TENM2: variants seen among roughly 807,000 people sequenced by gnomAD.
TENM2 encodes teneurin transmembrane protein 2, also known as teneurin-2.
Under a neutral mutation model 245.2 loss-of-function variants are expected in TENM2, and 52 were observed. The observed-to-expected ratio is 0.21, with a 90% CI of 0.17 to 0.27. The LOEUF (loss-of-function observed/expected upper bound fraction) is 0.27, where lower values mean the gene tolerates loss of function less well. TENM2 is among the 10% of genes least tolerant of loss of function. The pLI is 1.00. For missense variants in TENM2, 3,046 were observed against 3,666.8 expected, an observed-to-expected ratio of 0.83 and a Z score of 4.37; for synonymous variants, 1,363 against 1,438.9, an observed-to-expected ratio of 0.95 and a Z score of 1.19.
chr5:167,010,117 C>T, the TENM2 span, among the ~76,000 whole-genome samples: 1 of 152,178 alleles, frequency 6.6e-6, no homozygotes, highest in Non-Finnish European at 1.5e-5. Flanking sequence ...CGTGGTGGCT[C>T]ACACCTGTAA....
chr5:167,271,182 C>G, the TENM2 span, among the ~76,000 whole-genome samples: 1 of 152,060 alleles, frequency 6.6e-6, no homozygotes, highest in Non-Finnish European at 1.5e-5. Flanking sequence ...TGCTGCCTCT[C>G]CGAAAGCTCT....
intron 2 of TENM2, among the ~76,000 whole-genome samples, chr5:167,595,848 C>T (rs187787513): frequency 3.5e-4 from 53 of 152,228 alleles, no homozygotes; most frequent in African/African-American, 8.7e-4. Flanking sequence ...CTTTATCCAC[C>T]GTGTTTCCCT....
chr5:168,011,118 C>T (rs1476700203), intron 5 of TENM2, among the ~76,000 whole-genome samples: 6 of 152,188 alleles, frequency 3.9e-5, no homozygotes, highest in Non-Finnish European at 8.8e-5. Context: ...AATAACCAGT[C>T]GCCTCAGCCT....
chr5:167,908,096 C>T (rs957306100), intron 3 of TENM2, among the ~76,000 whole-genome samples: 1 of 152,052 alleles, frequency 6.6e-6, no homozygotes, highest in African/African-American at 2.4e-5. Context: ...TTGACTAGAG[C>T]ATTCCTTCTG....
At chr5:167,517,592 G>A (rs746976734) in intron 2 of TENM2, among the ~76,000 whole-genome samples, 1 of 149,204 alleles carries the variant, frequency 6.7e-6, no homozygotes, top group Non-Finnish European at 1.5e-5. Context: ...ATCAGTGAGC[G>A]GATTAAGGGA....
the TENM2 span, among the ~76,000 whole-genome samples, chr5:167,272,923 A>G: frequency 6.6e-6 from 1 of 152,162 alleles, no homozygotes; most frequent in Non-Finnish European, 1.5e-5. Context: ...TGCACCTAAA[A>G]TTCACCTGTG....
chr5:167,332,044 A>G (rs1057210645), intron 1 of TENM2, among the ~76,000 whole-genome samples: 1 of 152,228 alleles, frequency 6.6e-6, no homozygotes, highest in South Asian at 2.1e-4. Flanking sequence ...TTAAATAATC[A>G]CCAACGGGCA....
the TENM2 span, among the ~76,000 whole-genome samples, chr5:167,109,263 C>T: frequency 6.7e-6 from 1 of 149,548 alleles, no homozygotes; most frequent in Non-Finnish European, 1.5e-5. Flanking sequence ...GGACAGAACC[C>T]CCAAGAACTA....
chr5:167,805,616 T>A (rs1766107434), intron 2 of TENM2, among the ~76,000 whole-genome samples: 1 of 152,188 alleles, frequency 6.6e-6, no homozygotes, highest in East Asian at 1.9e-4. Flanking sequence ...CAGTAAATAG[T>A]GATCAATAAC....
intron 9 of TENM2, among the ~76,000 whole-genome samples, chr5:168,111,324 C>T (rs372506220): frequency 2.6e-5 from 4 of 152,076 alleles, no homozygotes; most frequent in African/African-American, 9.7e-5. Flanking sequence ...ACTCTGACCC[C>T]ATCTGTCAGA....
At chr5:168,091,461 A>C (rs1462845410) in intron 8 of TENM2, among the ~76,000 whole-genome samples, 1 of 152,204 alleles carries the variant, frequency 6.6e-6, no homozygotes, top group African/African-American at 2.4e-5. Context: ...CATTCACTTG[A>C]GGAAGATTTC....
At chr5:167,670,582 C>T (rs1218580162) in intron 2 of TENM2, among the ~76,000 whole-genome samples, 2 of 152,120 alleles carry the variant, frequency 1.3e-5, no homozygotes, top group East Asian at 1.9e-4. Flanking sequence ...TTGCAATGAA[C>T]GTTACTACTC....
chr5:168,084,233 C>A (rs1162987280), intron 7 of TENM2, among the ~76,000 whole-genome samples: 2 of 152,164 alleles, frequency 1.3e-5, no homozygotes, highest in African/African-American at 4.8e-5. Context: ...GTGCATGTGT[C>A]ATTTTGGTAG....
chr5:167,713,696 G>A (rs1435610552), intron 2 of TENM2, among the ~76,000 whole-genome samples: 1 of 152,070 alleles, frequency 6.6e-6, no homozygotes, highest in Admixed American at 6.5e-5. Context: ...ACACAATTTG[G>A]TGAGCACACA....
chr5:167,314,710 G>A (rs1467807675), intron 1 of TENM2, among the ~76,000 whole-genome samples: 1 of 151,942 alleles, frequency 6.6e-6, no homozygotes, highest in Non-Finnish European at 1.5e-5. Flanking sequence ...ATTTTTAAAT[G>A]TATAAGTAAT....
intron 2 of TENM2, among the ~76,000 whole-genome samples, chr5:167,680,345 G>A (rs1340549522): frequency 1.3e-5 from 2 of 151,644 alleles, no homozygotes; most frequent in Non-Finnish European, 2.9e-5. Flanking sequence ...AGAGTTGGGG[G>A]AAAGGTTTCC....
chr5:167,501,482 T>C (rs182551375), intron 2 of TENM2, among the ~76,000 whole-genome samples: 1 of 152,338 alleles, frequency 6.6e-6, no homozygotes, highest in Non-Finnish European at 1.5e-5. Flanking sequence ...ATGTTGATTG[T>C]AATGTTGGCA....
chr5:167,660,855 T>G (rs1251829438), intron 2 of TENM2, among the ~76,000 whole-genome samples: 1 of 152,212 alleles, frequency 6.6e-6, no homozygotes, highest in African/African-American at 2.4e-5. Context: ...TCATCATTTA[T>G]TCAGCAAGTA....
the TENM2 span, among the ~76,000 whole-genome samples, chr5:167,040,337 AT>A: frequency 6.6e-6 from 1 of 152,160 alleles, no homozygotes; most frequent in African/African-American, 2.4e-5. Flanking sequence ...GAAGTTAACA[AT>A]TGAGGCAGTC....
Sources: gnomAD v4.1 joint callset for allele counts (sites outside exome capture counted in the v4.1 genomes callset) on GRCh38, gnomAD v4.1.1 for gene constraint, MANE v1.5 for transcripts, NCBI Gene and HGNC (gene_info 2026-07-23, HGNC 2026-07-21) for gene names.